TENM2: variants seen among roughly 807,000 people sequenced by gnomAD.
The protein encoded by TENM2 is teneurin transmembrane protein 2.
In TENM2, 52 loss-of-function variants were observed where a neutral mutation model predicts 245.2. The ratio of observed to expected loss-of-function variants is 0.21; its 90% CI spans 0.17 to 0.27. The LOEUF is 0.27. Among genes scored for constraint, TENM2 ranks in the 10% least tolerant of loss-of-function variants. The pLI is 1.00. For missense variants in TENM2, 3,046 were observed against 3,666.8 expected (o/e 0.83, Z 4.37); for synonymous variants, 1,363 against 1,438.9 (o/e 0.95, Z 1.19).
At chr5:167,774,167 A>C (rs1342761815) in intron 2 of TENM2, among the ~76,000 whole-genome samples, 3 of 133,602 alleles carry the variant, frequency 2.2e-5, no homozygotes, top group East Asian at 2.6e-4. Context: ...GGAGGGAGGA[A>C]GGAAGGAAGG....
chr5:167,952,924 C>G (rs961477196), intron 4 of TENM2, 102 bp downstream of exon 6: 1 of 940,990 alleles, frequency 1.1e-6, no homozygotes, highest in Non-Finnish European at 1.6e-6. Context: ...CGGAGAGACC[C>G]TCTGGGTATA....
chr5:167,407,925 A>G (rs902483926), intron 2 of TENM2, among the ~76,000 whole-genome samples: 5 of 152,198 alleles, frequency 3.3e-5, no homozygotes, highest in Admixed American at 3.3e-4. Flanking sequence ...AACCATCCTC[A>G]TTTAATATTA....
chr5:167,749,252 C>T (rs932636408), intron 2 of TENM2, among the ~76,000 whole-genome samples: 13 of 152,036 alleles, frequency 8.6e-5, no homozygotes, highest in Non-Finnish European at 1.3e-4. Context: ...TTAAATAAGA[C>T]ATTATTCCTG....
At chr5:167,589,677 T>G (rs1158242936) in intron 2 of TENM2, among the ~76,000 whole-genome samples, 1 of 151,620 alleles carries the variant, frequency 6.6e-6, no homozygotes, top group Non-Finnish European at 1.5e-5. Context: ...TTTGTTTGTT[T>G]GTTTTTAACC....
the TENM2 span, among the ~76,000 whole-genome samples, chr5:167,246,883 A>G: frequency 1.3e-5 from 2 of 152,006 alleles, no homozygotes; most frequent in South Asian, 4.1e-4. Flanking sequence ...CCCCCTACTA[A>G]CATCGCGTTG....
chr5:167,991,656 G>A lies in TENM2; in HGVS notation c.948-1288G>A, dbSNP rs372406545. Among the ~76,000 whole-genome samples the A allele has an allele frequency of 4.5e-4, 69 of 152,294 alleles. No homozygotes were observed. The East Asian group carries it at 0.011, about 24-fold the overall frequency. ...TTCTACTGTATGGTTCTGCTGTGTG[G>A]TTGTCACACCACAGCTCTGGCTAAC... On this transcript the variant is annotated intron_variant, in intron 4 of 28. Transcript: ENST00000518659.
upstream of TENM2, among the ~76,000 whole-genome samples, chr5:167,280,618 C>A (rs2127700655): frequency 6.6e-6 from 1 of 152,160 alleles, no homozygotes; most frequent in Non-Finnish European, 1.5e-5. Context: ...TCAACATTTT[C>A]TTTCTTGTGA....
At chr5:168,069,502 C>T (rs976368901) in intron 7 of TENM2, among the ~76,000 whole-genome samples, 3 of 152,202 alleles carry the variant, frequency 2.0e-5, no homozygotes, top group East Asian at 3.9e-4. Flanking sequence ...CTCCATTTAA[C>T]ATGATGTCTA....
chr5:167,738,265 G>A (rs1475076652), intron 2 of TENM2, among the ~76,000 whole-genome samples: 1 of 152,186 alleles, frequency 6.6e-6, no homozygotes, highest in African/African-American at 2.4e-5. Flanking sequence ...TAAGAGCGTA[G>A]CATTGGGGGG....
intron 13 of TENM2, chr5:168,186,237 C>T (rs1240455751): frequency 6.6e-6 from 1 of 151,982 alleles, no homozygotes; most frequent in Non-Finnish European, 1.5e-5. Context: ...CTTGGGACTT[C>T]TAATCCAAAG....
intron 2 of TENM2, among the ~76,000 whole-genome samples, chr5:167,570,720 T>C (rs1774213534): frequency 2.6e-5 from 4 of 152,314 alleles, no homozygotes; most frequent in African/African-American, 9.6e-5. Flanking sequence ...AAAGAAGAGC[T>C]GCATTGAAGA....
intron 3 of TENM2, among the ~76,000 whole-genome samples, chr5:167,916,918 T>A (rs1583359297): frequency 6.6e-6 from 1 of 151,892 alleles, no homozygotes; most frequent in South Asian, 2.1e-4. Flanking sequence ...GTGGTTTTGG[T>A]GTTGTTGCTT....
At chr5:168,115,348 G>GAGGGCAGGA (rs1794975310) in intron 9 of TENM2, among the ~76,000 whole-genome samples, 1 of 115,940 alleles carries the variant, frequency 8.6e-6, no homozygotes. Flanking sequence ...GGAAGGAAAG[G>GAGGGCAGGA]AGGGAAGGAA....
At chr5:168,008,352 A>T (rs559947712) in intron 5 of TENM2, among the ~76,000 whole-genome samples, 1 of 152,366 alleles carries the variant, frequency 6.6e-6, no homozygotes, top group East Asian at 1.9e-4. Context: ...TGGCCTTGAA[A>T]TCTGGCAGGA....
chr5:167,259,801 G>A, the TENM2 span, among the ~76,000 whole-genome samples: 1 of 151,892 alleles, frequency 6.6e-6, no homozygotes, highest in African/African-American at 2.4e-5. Flanking sequence ...TAGTCTTATT[G>A]CTTCTCATGA....
intron 1 of TENM2, among the ~76,000 whole-genome samples, chr5:167,302,762 C>T (rs188827693): frequency 1.3e-5 from 2 of 152,050 alleles, no homozygotes; most frequent in East Asian, 3.9e-4. Context: ...GGGGTATTGA[C>T]ATGGAGAGAA....
chr5:167,134,116 C>G, the TENM2 span, among the ~76,000 whole-genome samples: 7 of 152,030 alleles, frequency 4.6e-5, no homozygotes, highest in Non-Finnish European at 1.5e-5. Flanking sequence ...GACAACTTTG[C>G]TATTTTAAAT....
chr5:167,758,303 C>A (rs1762438416), intron 2 of TENM2, among the ~76,000 whole-genome samples: 1 of 152,144 alleles, frequency 6.6e-6, no homozygotes, highest in South Asian at 2.1e-4. Flanking sequence ...CCTTCACATT[C>A]TTTCATTCCA....
At chr5:167,743,421 T>C (rs562984578) in intron 2 of TENM2, among the ~76,000 whole-genome samples, 1 of 152,304 alleles carries the variant, frequency 6.6e-6, no homozygotes, top group East Asian at 1.9e-4. Flanking sequence ...ATGCACTGCG[T>C]TGCAAAGAGG....
Sources: gnomAD v4.1 joint callset for allele counts (sites outside exome capture counted in the v4.1 genomes callset) on GRCh38, gnomAD v4.1.1 for gene constraint, MANE v1.5 for transcripts, NCBI Gene and HGNC (gene_info 2026-07-23, HGNC 2026-07-21) for gene names.